GRID2: variants seen among roughly 807,000 people sequenced by gnomAD.
The protein encoded by GRID2 is glutamate ionotropic receptor delta type subunit 2, also known as glutamate receptor ionotropic, delta-2.
A neutral mutation model predicts 114.8 loss-of-function variants in GRID2; 33 were observed. That is an observed-to-expected ratio of 0.29 (90% CI 0.22 to 0.38). The LOEUF (loss-of-function observed/expected upper bound fraction) is 0.38, where lower values mean the gene tolerates loss of function less well. Among genes scored for constraint, GRID2 ranks in the 10% least tolerant of loss-of-function variants. The pLI is 1.00. For missense variants in GRID2, 1,184 were observed against 1,257.7 expected (o/e 0.94, Z 0.89); for synonymous variants, 505 against 449.9 (o/e 1.12, Z -1.55).
intron 2 of GRID2, among the ~76,000 whole-genome samples, chr4:92,856,676 C>A (rs1011952873): frequency 1.3e-5 from 2 of 152,138 alleles, no homozygotes; most frequent in African/African-American, 4.8e-5. Context: ...GCAAAAACTT[C>A]TCTCCTGTGA....
Position 92,374,040 on chromosome 4 carries a change from C to A in GRID2, c.88+69296C>A, listed in dbSNP as rs188250264. Among the ~76,000 whole-genome samples the A allele has an allele frequency of 3.6e-3, 545 of 152,094 alleles. 4 individuals are homozygous for A. Among genetic ancestry groups the A allele is most frequent in the African/African-American group, 0.012 (502 of 41,506 alleles). On this transcript the variant is annotated intron_variant, in intron 1 of 15. Transcript: ENST00000282020. The stretch of plus-strand genomic sequence containing the variant: ...AAAATAAAATTCAAAGCCCCCCCGC[C>A]CTGCCACCCCAACCGTCTAAATGGA...
At chr4:92,715,078 C>T (rs1735469079) in intron 2 of GRID2, among the ~76,000 whole-genome samples, 1 of 152,176 alleles carries the variant, frequency 6.6e-6, no homozygotes, top group African/African-American at 2.4e-5. Flanking sequence ...ACATTGAATG[C>T]CTTTAATAGC....
chr4:92,897,847 T>C (rs1201472323), intron 2 of GRID2, among the ~76,000 whole-genome samples: 1 of 152,206 alleles, frequency 6.6e-6, no homozygotes, highest in Non-Finnish European at 1.5e-5. Context: ...AAAGAAATTA[T>C]ATGATTATTC....
At chr4:93,684,080 C>G (rs11938623) in intron 14 of GRID2, among the ~76,000 whole-genome samples, 4,658 of 152,080 alleles carry the variant, frequency 0.031, 107 homozygotes, top group African/African-American at 0.062. Flanking sequence ...TTATAGTTAT[C>G]TATACACACC....
intron 8 of GRID2, chr4:93,282,473 C>A: frequency 8.0e-6 from 3 of 373,222 alleles, no homozygotes; most frequent in Non-Finnish European, 1.0e-5. Flanking sequence ...AGCAGAAGAC[C>A]GTACAAAAAG....
At chr4:93,050,619 A>G (rs569244379) in intron 2 of GRID2, among the ~76,000 whole-genome samples, 158 of 151,712 alleles carry the variant, frequency 1.0e-3, no homozygotes, top group Non-Finnish European at 1.3e-3. Context: ...TTCAAGGTTT[A>G]TTTTCCCCAA....
At chr4:93,746,768 T>G (rs11934017) in intron 14 of GRID2, among the ~76,000 whole-genome samples, 13,933 of 152,096 alleles carry the variant, frequency 0.092, 1,460 homozygotes, top group African/African-American at 0.25. Flanking sequence ...TGTTACATAG[T>G]CAGGCTATTT....
At chr4:92,572,812 T>C (rs573473262) in intron 1 of GRID2, among the ~76,000 whole-genome samples, 4 of 152,250 alleles carry the variant, frequency 2.6e-5, no homozygotes, top group African/African-American at 9.6e-5. Context: ...CAGATTTTGG[T>C]ATCAGAATGA....
chr4:93,023,189 T>A (rs1415549745), intron 2 of GRID2, among the ~76,000 whole-genome samples: 1 of 151,456 alleles, frequency 6.6e-6, no homozygotes, highest in Non-Finnish European at 1.5e-5. Flanking sequence ...AACTATTAGT[T>A]AATGGTAGAA....
chr4:93,509,846 T>C (rs1578155247), intron 12 of GRID2, among the ~76,000 whole-genome samples: 10 of 152,302 alleles, frequency 6.6e-5, no homozygotes, highest in Middle Eastern at 3.4e-3. Context: ...TGCTACATTT[T>C]GGATCACTTT....
chr4:92,917,844 G>A (rs1748940882), intron 2 of GRID2, among the ~76,000 whole-genome samples: 1 of 152,078 alleles, frequency 6.6e-6, no homozygotes, highest in African/African-American at 2.4e-5. Context: ...CTCTTTTTTG[G>A]TTCCATGTGA....
chr4:92,594,704 A>G (rs984807186), intron 2 of GRID2, among the ~76,000 whole-genome samples: 1 of 151,948 alleles, frequency 6.6e-6, no homozygotes, highest in African/African-American at 2.4e-5. Context: ...ACCTGAACCA[A>G]AGTAGCTGTT....
chr4:92,797,845 C>T (rs936447526), intron 2 of GRID2, among the ~76,000 whole-genome samples: 1 of 151,840 alleles, frequency 6.6e-6, no homozygotes, highest in Non-Finnish European at 1.5e-5. Flanking sequence ...GCCAACTATA[C>T]CCAAATGTAC....
chr4:93,555,158 G>A (rs1363092454), intron 13 of GRID2, among the ~76,000 whole-genome samples: 2 of 152,114 alleles, frequency 1.3e-5, no homozygotes. Flanking sequence ...AGGGCCCTGG[G>A]TTTCAAGCAC....
chr4:93,325,500 T>C (rs1335326829), intron 8 of GRID2, among the ~76,000 whole-genome samples: 4 of 151,966 alleles, frequency 2.6e-5, no homozygotes, highest in African/African-American at 9.7e-5. Context: ...TATCTCCCTC[T>C]GTTGTTTTCT....
At chr4:92,349,324 A>T (rs1360695484) in intron 1 of GRID2, among the ~76,000 whole-genome samples, 1 of 151,942 alleles carries the variant, frequency 6.6e-6, no homozygotes, top group Non-Finnish European at 1.5e-5. Flanking sequence ...AAAATAATTG[A>T]CTTGTCCGTT....
intron 12 of GRID2, among the ~76,000 whole-genome samples, chr4:93,495,099 G>T (rs1727398364): frequency 6.6e-6 from 1 of 151,664 alleles, no homozygotes; most frequent in Non-Finnish European, 1.5e-5. Context: ...AGTAAACTTG[G>T]ACCTACTCAA....
intron 2 of GRID2, among the ~76,000 whole-genome samples, chr4:92,653,472 C>T (rs929770447): frequency 1.2e-4 from 18 of 151,640 alleles, no homozygotes; most frequent in African/African-American, 4.1e-4. Context: ...ACTTCTGTAC[C>T]ACTAGTTTCT....
At chr4:92,322,789 A>T (rs1726384930) in intron 1 of GRID2, among the ~76,000 whole-genome samples, 2 of 152,242 alleles carry the variant, frequency 1.3e-5, no homozygotes, top group Admixed American at 1.3e-4. Context: ...AAAGAAACAA[A>T]TTATATTTTG....
Sources: allele counts gnomAD v4.1 joint callset (sites outside exome capture counted in the v4.1 genomes callset), GRCh38; gene constraint gnomAD v4.1.1; transcripts MANE v1.5; gene names NCBI Gene and HGNC (gene_info 2026-07-23, HGNC 2026-07-21).